INSL6: variants seen among roughly 807,000 people sequenced by gnomAD.
The protein encoded by INSL6 is insulin like 6.
A neutral mutation model predicts 9.4 loss-of-function variants in INSL6; 16 were observed. The ratio of observed to expected loss-of-function variants is 1.70; its 90% confidence interval spans 1.15 to 2.59. The LOEUF (loss-of-function observed/expected upper bound fraction) is 2.59, where lower values mean the gene tolerates loss of function less well. Ranked by LOEUF, INSL6 falls within the 30% of genes most tolerant of loss-of-function variation. The pLI is 0.00. For missense variants in INSL6, 391 were observed against 257.3 expected (o/e 1.52, Z -3.56); for synonymous variants, 154 against 96.9 (o/e 1.59, Z -3.46).
At chr9:5,098,869 T>G in the INSL6 span, 2 of 152,352 alleles carry the variant, frequency 1.3e-5, no homozygotes, top group East Asian at 3.9e-4. Flanking sequence ...AATTTTTTTG[T>G]ATTTTTAGTA....
intron 1 of INSL6, among the ~76,000 whole-genome samples, chr9:5,169,442 G>C (rs1825131056): frequency 6.6e-6 from 1 of 152,256 alleles, no homozygotes; most frequent in Middle Eastern, 3.4e-3. Flanking sequence ...ACAGACCAGT[G>C]ACACTATGAA....
chr9:5,167,559 C>T (rs1825083075), intron 1 of INSL6, among the ~76,000 whole-genome samples: 1 of 152,188 alleles, frequency 6.6e-6, no homozygotes, highest in Non-Finnish European at 1.5e-5. Context: ...GGAGCAGGGC[C>T]TCCCTGTGGG....
chr9:5,031,038 A>G, the INSL6 span, among the ~76,000 whole-genome samples: 1 of 152,148 alleles, frequency 6.6e-6, no homozygotes, highest in African/African-American at 2.4e-5. Flanking sequence ...TAATAAGAAA[A>G]AACAGAAGAC....
chr9:5,123,164 TTTGA>T, downstream of INSL6: 1 of 1,349,008 alleles, frequency 7.4e-7, no homozygotes, highest in South Asian at 1.3e-5. Context: ...TGTTTGTTCG[TTTGA>T]TTTTTATAAA....
intron 1 of INSL6, among the ~76,000 whole-genome samples, chr9:5,180,406 G>A (rs1178536207): frequency 6.6e-6 from 1 of 152,178 alleles, no homozygotes; most frequent in Non-Finnish European, 1.5e-5. Context: ...GGCAAAAAGA[G>A]CCATATTTTT....
intron 1 of INSL6, among the ~76,000 whole-genome samples, chr9:5,177,943 T>C (rs909616861): frequency 8.5e-5 from 13 of 152,314 alleles, no homozygotes; most frequent in South Asian, 4.2e-4. Flanking sequence ...TGGCGTGATC[T>C]TGGCTCACTG....
At chr9:5,037,302 T>C in the INSL6 span, among the ~76,000 whole-genome samples, 7 of 152,276 alleles carry the variant, frequency 4.6e-5, no homozygotes, top group South Asian at 1.4e-3. Context: ...AGTGTGGCGA[T>C]TCCTCAGGGA....
the INSL6 span, among the ~76,000 whole-genome samples, chr9:5,069,614 T>G: frequency 6.6e-6 from 1 of 152,098 alleles, no homozygotes; most frequent in Non-Finnish European, 1.5e-5. Flanking sequence ...TTATTAAAAT[T>G]CCTGAAAAAT....
In INSL6 at chr9:5,185,338, C is replaced by G. The variant is rs144467909; in HGVS notation, c.265G>C (p.Ala89Pro). The G allele has an allele frequency of 1.2e-6, 2 of 1,614,110 alleles. No homozygotes were observed. Among genetic ancestry groups the G allele is most frequent in the Non-Finnish European group, 1.7e-6 (2 of 1,180,008 alleles). Residue 89 changes from alanine (A) to proline (P), a missense_variant, in exon 1 of 2, where the codon GCC becomes CCC. Ala to Pro is a conservative substitution (Grantham distance 27). Coordinates refer to ENST00000381641, the MANE Select transcript of INSL6 (RefSeq NM_007179.3). The part of the protein sequence containing the change: ...QFESPQTASP[A>P]RGRGTNPVST... ...CCTGGGTTTGTGCCTCTTCCCCGGG[C>G]CGGGGAAGCGGTTTGCGGGCTTTCG...
chr9:5,133,922 C>T (rs187375261), intron 2 of INSL6, among the ~76,000 whole-genome samples: 2 of 152,104 alleles, frequency 1.3e-5, no homozygotes, highest in East Asian at 3.9e-4. Context: ...ATGTTCTAAC[C>T]CAATGCAAGG....
intron 2 of INSL6, among the ~76,000 whole-genome samples, chr9:5,139,856 T>C (rs1824463451): frequency 6.6e-6 from 1 of 152,222 alleles, no homozygotes; most frequent in African/African-American, 2.4e-5. Context: ...CCACAAATTT[T>C]AATCATTTAA....
the INSL6 span, among the ~76,000 whole-genome samples, chr9:5,074,447 C>G: frequency 6.7e-6 from 1 of 148,378 alleles, no homozygotes; most frequent in African/African-American, 2.4e-5. Context: ...TTTGGTAATT[C>G]TAGCAACATT....
At chr9:5,184,891 G>A (rs552395128) in intron 1 of INSL6, among the ~76,000 whole-genome samples, 95 of 152,216 alleles carry the variant, frequency 6.2e-4, no homozygotes, top group Admixed American at 2.0e-3. Flanking sequence ...CTACAAGGTT[G>A]GGCTGATTCT....
the INSL6 span, chr9:5,100,488 C>T: frequency 6.6e-6 from 1 of 152,170 alleles, no homozygotes; most frequent in Non-Finnish European, 1.5e-5. Flanking sequence ...TGGAATAATT[C>T]TATTTATTAT....
chr9:5,130,802 C>T (rs1277179047), intron 3 of INSL6, among the ~76,000 whole-genome samples: 1 of 150,984 alleles, frequency 6.6e-6, no homozygotes, highest in Admixed American at 6.6e-5. Context: ...GATCTCGGCT[C>T]ACTGCAAGCT....
the INSL6 span, among the ~76,000 whole-genome samples, chr9:5,023,258 T>C: frequency 6.6e-6 from 1 of 152,242 alleles, no homozygotes; most frequent in East Asian, 1.9e-4. Flanking sequence ...ACTTGTTATA[T>C]TTGTCTTTCA....
intron 2 of INSL6, among the ~76,000 whole-genome samples, chr9:5,153,508 G>A (rs1000657153): frequency 1.3e-5 from 2 of 152,198 alleles, no homozygotes; most frequent in African/African-American, 4.8e-5. Context: ...GAAATAAAAG[G>A]TATTCAATTA....
At chr9:5,031,918 C>A in the INSL6 span, among the ~76,000 whole-genome samples, 1 of 152,192 alleles carries the variant, frequency 6.6e-6, no homozygotes, top group African/African-American at 2.4e-5. Context: ...GAGTGTAGGA[C>A]AGTGGGTGCA....
chr9:5,155,038 C>A (rs1387382941), intron 2 of INSL6, among the ~76,000 whole-genome samples: 2 of 151,738 alleles, frequency 1.3e-5, no homozygotes, highest in East Asian at 1.9e-4. Flanking sequence ...ATGTTTATTG[C>A]GGCACTATTC....
Sources: gnomAD v4.1 joint callset for allele counts (sites outside exome capture counted in the v4.1 genomes callset) on GRCh38, gnomAD v4.1.1 for gene constraint, MANE v1.5 for transcripts, NCBI Gene and HGNC (gene_info 2026-07-23, HGNC 2026-07-21) for gene names.